Variants in TMEFF2 observed in about 807,000 individuals in gnomAD.
TMEFF2 encodes tomoregulin-2.
TMEFF2 carries 28 observed loss-of-function variants against 53.8 expected under a neutral mutation model. The ratio of observed to expected loss-of-function variants is 0.52; its 90% confidence interval spans 0.39 to 0.71. TMEFF2 has a LOEUF of 0.71. TMEFF2 is among the 30% of genes least tolerant of loss of function. The pLI, the probability that TMEFF2 is intolerant of heterozygous loss-of-function variation, is 0.00. For missense variants in TMEFF2, 353 were observed against 455.2 expected (o/e 0.78, Z 2.04); for synonymous variants, 162 against 166.3 (o/e 0.97, Z 0.20).
At chr2:192,049,773 G>A (rs562607704) in intron 5 of TMEFF2, among the ~76,000 whole-genome samples, 98 of 152,198 alleles carry the variant, frequency 6.4e-4, no homozygotes, top group Non-Finnish European at 9.1e-4. Flanking sequence ...AGGCTGAGGC[G>A]GGAGGATCAC....
At chr2:192,149,396 G>A (rs959752680) in intron 4 of TMEFF2, among the ~76,000 whole-genome samples, 1 of 151,922 alleles carries the variant, frequency 6.6e-6, no homozygotes, top group Admixed American at 6.6e-5. Context: ...GCATAGTGAG[G>A]GGGGAGGAAG....
At chr2:192,118,006 G>T (rs1164720888) in intron 4 of TMEFF2, among the ~76,000 whole-genome samples, 28 of 146,388 alleles carry the variant, frequency 1.9e-4, no homozygotes, top group East Asian at 6.0e-4. Flanking sequence ...CTAATTCTTT[G>T]TTCCAAATGC....
chr2:192,184,603 T>C (rs1691267412), intron 2 of TMEFF2, 120 bp from the exon 3 acceptor site: 1 of 1,293,422 alleles, frequency 7.7e-7, no homozygotes. Flanking sequence ...ATGATTCTAA[T>C]TGTGTCCAAT....
intron 4 of TMEFF2, chr2:192,179,402 C>A (rs112407347): frequency 2.4e-5 from 9 of 377,138 alleles, no homozygotes; most frequent in African/African-American, 1.9e-4. Context: ...TTATGCCTAT[C>A]CATATCAAAG....
chr2:191,990,543 C>T (rs1686079499), intron 7 of TMEFF2, among the ~76,000 whole-genome samples: 1 of 151,634 alleles, frequency 6.6e-6, no homozygotes, highest in African/African-American at 2.4e-5. Context: ...CTTTAAGCTT[C>T]ATACATTCTA....
intron 4 of TMEFF2, among the ~76,000 whole-genome samples, chr2:192,060,510 T>C (rs1287710242): frequency 6.6e-6 from 1 of 152,158 alleles, no homozygotes; most frequent in Non-Finnish European, 1.5e-5. Flanking sequence ...CCAGACTCCA[T>C]CTTATTTAGC....
chr2:192,190,588 C>CT (rs1397942822), intron 2 of TMEFF2, among the ~76,000 whole-genome samples: 1 of 152,118 alleles, frequency 6.6e-6, no homozygotes. Context: ...GTTTCTGACA[C>CT]TATGGTATGG....
chr2:192,160,740 G>A (rs1690612834), intron 4 of TMEFF2, among the ~76,000 whole-genome samples: 1 of 151,808 alleles, frequency 6.6e-6, no homozygotes, highest in Admixed American at 6.6e-5. Flanking sequence ...TTCCAAAACA[G>A]GAAATATAAG....
intron 4 of TMEFF2, among the ~76,000 whole-genome samples, chr2:192,093,412 A>C (rs1574366234): frequency 2.2e-5 from 1 of 45,194 alleles, no homozygotes; most frequent in Non-Finnish European, 4.3e-5. Context: ...AAGAGCGTTC[A>C]TTTGGGACTC....
chr2:192,175,632 T>G (rs1428026692), intron 4 of TMEFF2, among the ~76,000 whole-genome samples: 1 of 151,464 alleles, frequency 6.6e-6, no homozygotes, highest in Non-Finnish European at 1.5e-5. Flanking sequence ...ATAAATTGTA[T>G]AAGTAAGTTC....
intron 4 of TMEFF2, among the ~76,000 whole-genome samples, chr2:192,099,966 T>C (rs1002211006): frequency 2.5e-4 from 38 of 152,170 alleles, no homozygotes; most frequent in African/African-American, 8.9e-4. Flanking sequence ...AGAAAAGTTA[T>C]TGACAAATGC....
chr2:191,964,358 T>G (rs1261448911), intron 7 of TMEFF2, among the ~76,000 whole-genome samples: 1 of 104,312 alleles, frequency 9.6e-6, no homozygotes. Context: ...CTTTCTTTCT[T>G]TCTTTCTTTC....
intron 4 of TMEFF2, among the ~76,000 whole-genome samples, chr2:192,100,304 A>G (rs2105943714): frequency 6.6e-6 from 1 of 152,292 alleles, no homozygotes; most frequent in Non-Finnish European, 1.5e-5. Flanking sequence ...ACTTTTGTCC[A>G]GAAAGCCTTG....
intron 4 of TMEFF2, among the ~76,000 whole-genome samples, chr2:192,114,939 T>C (rs1258234808): frequency 6.6e-6 from 1 of 151,994 alleles, no homozygotes; most frequent in Non-Finnish European, 1.5e-5. Context: ...TATATGTATA[T>C]CAAATCATCA....
chr2:191,965,050 C>G (rs937919968), intron 7 of TMEFF2, among the ~76,000 whole-genome samples: 1 of 152,166 alleles, frequency 6.6e-6, no homozygotes, highest in Non-Finnish European at 1.5e-5. Context: ...AACATTTTCC[C>G]TGAGAGAGCT....
chr2:191,971,959 G>A (rs1692654914), intron 7 of TMEFF2, among the ~76,000 whole-genome samples: 1 of 152,140 alleles, frequency 6.6e-6, no homozygotes, highest in Non-Finnish European at 1.5e-5. Flanking sequence ...GATAGCCCCG[G>A]AAGAGCTTCT....
Position 192,048,027 on chromosome 2 carries a change from A to G in TMEFF2, c.536+9652T>C, listed in dbSNP as rs1442236895. On this transcript the variant is annotated intron_variant, in intron 5 of 9. Coordinates refer to ENST00000272771, the MANE Select transcript of TMEFF2 (RefSeq NM_016192.4). ...TGAACACTCTGGATACAGACAGTGG[A>G]AATGTTTTCAGTTAACATACTGTCT... 2.0e-5 allele frequency among the ~76,000 whole-genome samples: 3 copies of G among 152,230 alleles called. No individual in the cohort carries two copies. The East Asian group carries it at 5.8e-4, about 29-fold the overall frequency.
chr2:192,184,169 C>G (rs3738882), intron 3 of TMEFF2, among the ~76,000 whole-genome samples, 185 bp downstream of exon 3: 97,944 of 151,954 alleles, frequency 0.64, 31,705 homozygotes, highest in Non-Finnish European at 0.65. Flanking sequence ...CCTCTTTCTT[C>G]CAAAAGTGAT....
At position 192,194,299 on chromosome 2, in the gene TMEFF2, T is replaced by C; in HGVS notation, c.172+54A>G. ...CTAGGGTAGGCTGGTCTGTGCTGGATACGCGTGTTCTTCTGCGGAGTTAAA... is the reference window on the plus strand; with the variant it reads ...CTAGGGTAGGCTGGTCTGTGCTGGACACGCGTGTTCTTCTGCGGAGTTAAA... On this transcript the variant is annotated intron_variant, in intron 1 of 9. Transcript: ENST00000272771. This position sits in a 1 kb window ranked among gnomAD's most constrained non-coding sequence, Gnocchi z 4.2. The C allele has an allele frequency of 1.2e-6, 2 of 1,601,454 alleles. No homozygotes were observed. The highest frequency in any genetic ancestry group is 1.1e-5 in the South Asian group (1 of 89,282).
Sources: gnomAD v4.1 joint callset for allele counts (sites outside exome capture counted in the v4.1 genomes callset) on GRCh38, gnomAD v4.1.1 for gene constraint, Gnocchi (gnomAD v3.1) non-coding constraint, MANE v1.5 for transcripts, NCBI Gene and HGNC (gene_info 2026-07-23, HGNC 2026-07-21) for gene names.